CNTNAP2: variants seen among roughly 807,000 people sequenced by gnomAD.
The protein encoded by CNTNAP2 is contactin-associated protein-like 2.
Under a neutral mutation model 155.2 loss-of-function variants are expected in CNTNAP2, and 98 were observed. The ratio of observed to expected loss-of-function variants is 0.63; its 90% CI spans 0.54 to 0.75. The LOEUF is 0.75. Ranked by LOEUF, CNTNAP2 falls within the 30% of genes least tolerant of loss-of-function variation. The pLI is 0.00. For missense variants in CNTNAP2, 1,727 were observed against 1,688.1 expected, an observed-to-expected ratio of 1.02 and a Z score of -0.40; for synonymous variants, 651 against 631.2, an observed-to-expected ratio of 1.03 and a Z score of -0.47.
chr7:147,219,393 G>T (rs1405138732), intron 8 of CNTNAP2, among the ~76,000 whole-genome samples: 1 of 152,128 alleles, frequency 6.6e-6, no homozygotes, highest in Non-Finnish European at 1.5e-5. Context: ...AGACCCAAGA[G>T]CCCCTGGTAA....
intron 15 of CNTNAP2, among the ~76,000 whole-genome samples, chr7:148,035,090 A>G (rs967127510): frequency 6.6e-6 from 1 of 152,214 alleles, no homozygotes; most frequent in African/African-American, 2.4e-5. Flanking sequence ...TTAACTGCAT[A>G]TAGTAAGATT....
At chr7:147,018,417 T>A (rs1366923066) in intron 3 of CNTNAP2, among the ~76,000 whole-genome samples, 1 of 152,114 alleles carries the variant, frequency 6.6e-6, no homozygotes, top group Non-Finnish European at 1.5e-5. Context: ...TTGATTTGCG[T>A]GAGAGAAATG....
chr7:147,526,078 G>C (rs1170975681), intron 11 of CNTNAP2, among the ~76,000 whole-genome samples: 1 of 151,504 alleles, frequency 6.6e-6, no homozygotes, highest in Non-Finnish European at 1.5e-5. Flanking sequence ...TGTAATCCCA[G>C]CTACTCGAGA....
chr7:147,286,970 C>T (rs573583584), intron 8 of CNTNAP2, among the ~76,000 whole-genome samples: 1 of 152,166 alleles, frequency 6.6e-6, no homozygotes, highest in South Asian at 2.1e-4. Context: ...ACTGGCCACT[C>T]TCTCAGTAAT....
intron 14 of CNTNAP2, among the ~76,000 whole-genome samples, chr7:147,904,522 T>G (rs979501312): frequency 6.6e-6 from 1 of 152,204 alleles, no homozygotes; most frequent in Admixed American, 6.5e-5. Flanking sequence ...TTTCTGCTTC[T>G]GGGCAGCTGT....
chr7:147,858,152 A>T (rs1384987916), intron 13 of CNTNAP2, among the ~76,000 whole-genome samples: 1 of 152,106 alleles, frequency 6.6e-6, no homozygotes, highest in Non-Finnish European at 1.5e-5. Flanking sequence ...CAGTGGCGTG[A>T]TCTTGGCTTA....
At chr7:148,114,403 T>C (rs1804420076) in intron 15 of CNTNAP2, among the ~76,000 whole-genome samples, 1 of 152,234 alleles carries the variant, frequency 6.6e-6, no homozygotes, top group Non-Finnish European at 1.5e-5. Context: ...GGCAATGAGT[T>C]ACTTATGTAT....
intron 1 of CNTNAP2, among the ~76,000 whole-genome samples, chr7:146,207,337 C>G (rs762508684): frequency 6.6e-6 from 1 of 151,976 alleles, no homozygotes; most frequent in Non-Finnish European, 1.5e-5. Flanking sequence ...AAATCAATTA[C>G]TCTCTTGGAG....
intron 13 of CNTNAP2, among the ~76,000 whole-genome samples, chr7:147,793,444 T>C (rs1168799151): frequency 6.6e-6 from 1 of 152,060 alleles, no homozygotes; most frequent in Admixed American, 6.5e-5. Context: ...AAAATACTGC[T>C]TTTTCCCCAT....
chr7:147,640,562 T>C lies in CNTNAP2; in HGVS notation c.2098+1256T>C, dbSNP rs369946809. Among the ~76,000 whole-genome samples, 3 of 152,114 alleles carry C rather than the reference T, an allele frequency of 2.0e-5. No individual in the cohort carries two copies. In the South Asian group the frequency reaches 6.2e-4, roughly 31 times the overall value. On this transcript the variant is annotated intron_variant, in intron 13 of 23. Coordinates refer to ENST00000361727, the MANE Select transcript of CNTNAP2 (RefSeq NM_014141.6). Reference sequence around the variant, plus strand: ...GCTGTTGGATGCCCCAAAACAGCAATGAATTGAAAGCAATGTTGTAGGGAG... The same window carrying C: ...GCTGTTGGATGCCCCAAAACAGCAACGAATTGAAAGCAATGTTGTAGGGAG...
At chr7:147,541,346 G>A (rs1273420245) in intron 11 of CNTNAP2, among the ~76,000 whole-genome samples, 2 of 152,170 alleles carry the variant, frequency 1.3e-5, no homozygotes, top group Non-Finnish European at 2.9e-5. Flanking sequence ...CTTTGAAAAT[G>A]GAAAGAATAA....
At chr7:147,887,167 A>G (rs566605750) in intron 13 of CNTNAP2, among the ~76,000 whole-genome samples, 2 of 152,290 alleles carry the variant, frequency 1.3e-5, no homozygotes, top group South Asian at 4.1e-4. Flanking sequence ...GTGCTCCCCC[A>G]TAAACATTTT....
In CNTNAP2 at chr7:146,672,118, G is replaced by A. The variant is rs118027413; in HGVS notation, c.98-102153G>A. On this transcript the variant is annotated intron_variant, in intron 1 of 23. Transcript: ENST00000361727. ...CATGAGCCACTACACCCGGCTAGTA[G>A]TATTCTCATTTTATCTGAGGTTATC... is the stretch of plus-strand genomic sequence containing the variant. Among the ~76,000 whole-genome samples the A allele has an allele frequency of 1.0e-3, 159 of 152,148 alleles. 4 individuals are homozygous for A. The East Asian group carries it at 0.027, about 26-fold the overall frequency.
chr7:148,255,832 C>A (rs1796445173), intron 20 of CNTNAP2, among the ~76,000 whole-genome samples: 2 of 152,184 alleles, frequency 1.3e-5, no homozygotes, highest in African/African-American at 4.8e-5. Flanking sequence ...AATCCTTTCT[C>A]TCTCGAGCCT....
chr7:148,413,132 C>T (rs1278307082), intron 23 of CNTNAP2, among the ~76,000 whole-genome samples: 2 of 151,710 alleles, frequency 1.3e-5, no homozygotes, highest in Admixed American at 6.6e-5. Context: ...CAGCTCACGC[C>T]TATAATCCCA....
intron 11 of CNTNAP2, among the ~76,000 whole-genome samples, chr7:147,520,994 A>T (rs1220975261): frequency 6.6e-6 from 1 of 152,240 alleles, no homozygotes; most frequent in East Asian, 1.9e-4. Context: ...TAGTGACAGT[A>T]AAATTAACAT....
At chr7:147,496,318 A>G (rs1798707260) in intron 11 of CNTNAP2, among the ~76,000 whole-genome samples, 1 of 152,162 alleles carries the variant, frequency 6.6e-6, no homozygotes, top group African/African-American at 2.4e-5. Context: ...AAGAAAGGTC[A>G]CTGAATGATA....
chr7:147,720,047 C>G (rs1282588563), intron 13 of CNTNAP2, among the ~76,000 whole-genome samples: 3 of 152,030 alleles, frequency 2.0e-5, no homozygotes. Flanking sequence ...TCATATTCTT[C>G]TCTTTCTGTT....
chr7:147,816,949 A>T (rs1449871988), intron 13 of CNTNAP2, among the ~76,000 whole-genome samples: 1 of 152,242 alleles, frequency 6.6e-6, no homozygotes, highest in East Asian at 1.9e-4. Flanking sequence ...ATAATGTAAC[A>T]TAAAGCAGAC....
Sources: gnomAD v4.1 joint callset for allele counts (sites outside exome capture counted in the v4.1 genomes callset) on GRCh38, gnomAD v4.1.1 for gene constraint, MANE v1.5 for transcripts, NCBI Gene and HGNC (gene_info 2026-07-23, HGNC 2026-07-21) for gene names.